Variants in DOP1B observed in about 807,000 individuals in gnomAD.
The protein encoded by DOP1B is DOP1 leucine zipper like protein B, also known as protein DOP1B.
Under a neutral mutation model 233.5 loss-of-function variants are expected in DOP1B, and 174 were observed. That is an observed-to-expected ratio of 0.75 (90% CI 0.66 to 0.85). The LOEUF is 0.85. Among genes scored for constraint, DOP1B ranks in the 40% least tolerant of loss-of-function variants. The probability of loss-of-function intolerance (pLI) is 0.00; values close to 1 mark genes in which losing one functional copy is unlikely to be tolerated. For missense variants in DOP1B, 2,652 were observed against 2,846.6 expected, an observed-to-expected ratio of 0.93 and a Z score of 1.56; for synonymous variants, 1,190 against 1,185.6, an observed-to-expected ratio of 1.00 and a Z score of -0.08.
chr21:36,257,891 G>A (rs2067124423), intron 23 of DOP1B, among the ~76,000 whole-genome samples: 1 of 150,436 alleles, frequency 6.6e-6, no homozygotes, highest in South Asian at 2.1e-4. Context: ...AGTTAGGTAG[G>A]TAGGTAGATG....
intron 13 of DOP1B, among the ~76,000 whole-genome samples, chr21:36,228,653 C>T (rs1354068616): frequency 1.3e-5 from 2 of 151,384 alleles, no homozygotes; most frequent in East Asian, 3.9e-4. Context: ...GTAGTCCCAG[C>T]TACTCAGGAG....
chr21:36,217,803 C>A (rs1214827273), intron 9 of DOP1B, among the ~76,000 whole-genome samples: 4 of 152,216 alleles, frequency 2.6e-5, no homozygotes, highest in Non-Finnish European at 1.5e-5. Flanking sequence ...AAAAGTGGAA[C>A]ACTTATATAA....
At chr21:36,278,678 G>C (rs1264593572) in intron 30 of DOP1B, among the ~76,000 whole-genome samples, 1 of 152,090 alleles carries the variant, frequency 6.6e-6, no homozygotes, top group African/African-American at 2.4e-5. Flanking sequence ...GACCAGCCTG[G>C]CCAACATGGC....
intron 24 of DOP1B, among the ~76,000 whole-genome samples, chr21:36,262,615 C>T (rs139494485): frequency 7.6e-4 from 115 of 152,220 alleles, no homozygotes; most frequent in African/African-American, 2.5e-3. Context: ...CAGCCGGGCA[C>T]GGTGGCTCAC....
rs369495001 is a variant in DOP1B at position 36,194,487 on chromosome 21, C to CT, written c.139-4566dup. ...TTTTGCTGCATTTCTCTCTCTCTCTCTTTTTTTTTTTTTTTTTGAGACAGA... is the reference window on the plus strand; with the variant it reads ...TTTTGCTGCATTTCTCTCTCTCTCTCTTTTTTTTTTTTTTTTTTGAGACAGA... On this transcript the variant is annotated intron_variant, in intron 2 of 36. Transcript: ENST00000691173. 2.7e-3 allele frequency among the ~76,000 whole-genome samples: 222 copies of CT among 81,298 alleles called. 1 individual carries two copies. The highest frequency in any genetic ancestry group is 7.4e-3 in the Admixed American group (59 of 8,018). The allele number at this position is 81,298 out of a possible 152,430, so 53.3% of individuals were successfully genotyped here. A position where few individuals can be genotyped will look rare whatever the true frequency, so the allele number is the denominator to read the frequency against.
rs780739409 is a variant in DOP1B, at chr21:36,263,531, C to G, written c.5316-15C>G. 6.2e-7 allele frequency: 1 copy of G among 1,606,680 alleles called. No individual in the cohort carries two copies. The highest frequency in any genetic ancestry group is 1.1e-5 in the South Asian group (1 of 90,284). On this transcript the variant is annotated splice_polypyrimidine_tract_variant and intron_variant, in intron 24 of 36. Transcript: ENST00000691173. The stretch of plus-strand genomic sequence containing the variant: ...GTTCGTGGTTGAGTATTTTTCCTAT[C>G]TTTTAAAAAAACAGGCTCCCAGTAC...
chr21:36,237,242 C>T lies in DOP1B; in HGVS notation c.2623-20C>T, dbSNP rs902167906. ...CTGTGTTGACCTGGTCCCCCACCGC[C>T]TGCCTTTTCCTTGTCCCAGAGGGTG... On this transcript the variant is annotated intron_variant, in intron 15 of 36. Transcript: ENST00000691173. 9 of 1,614,048 alleles carry T rather than the reference C, an allele frequency of 5.6e-6. No individual in the cohort carries two copies. In the Admixed American group the frequency reaches 1.5e-4, roughly 27 times the overall value.
At chr21:36,271,428 C>T (rs2067288586) in intron 27 of DOP1B, among the ~76,000 whole-genome samples, 1 of 151,982 alleles carries the variant, frequency 6.6e-6, no homozygotes, top group Admixed American at 6.6e-5. Context: ...CATCTACCAC[C>T]ATGCCTAGCT....
In DOP1B at chr21:36,214,453, G is replaced by C. The variant is rs367977089; in HGVS notation, c.1026G>C (p.Glu342Asp). The C allele has an allele frequency of 1.9e-6, 3 of 1,612,498 alleles. No homozygotes were observed. Among genetic ancestry groups the C allele is most frequent in the South Asian group, 2.2e-5 (2 of 90,770 alleles). The part of the protein sequence containing the change: ...SKDLLVEGLA[E>D]ILHQKFIDAD... ...TTTTTAAATAATAGGGTTTGGCTGA[G>C]ATATTGCATCAGAAGTTCATAGATG... The change falls in exon 9 of 37, where the codon GAG (glutamate) becomes GAC (aspartate). Residue 342 changes from glutamate to aspartate, a missense_variant. Physicochemically the swap from Glu to Asp is conservative, Grantham distance 45. This residue lies in a region of DOP1B where 2,617 missense variants were observed against 2,794.3 expected (regional missense o/e 0.94). Coordinates refer to ENST00000691173, the MANE Select transcript of DOP1B (RefSeq NM_001320714.2).
At chr21:36,167,675 A>G (rs1012342614) in intron 2 of DOP1B, among the ~76,000 whole-genome samples, 3 of 152,078 alleles carry the variant, frequency 2.0e-5, no homozygotes, top group Non-Finnish European at 2.9e-5. Context: ...TCCAAAAGGA[A>G]ACCCGTACCC....
At chr21:36,192,368 A>C (rs897043221) in intron 2 of DOP1B, among the ~76,000 whole-genome samples, 1 of 150,684 alleles carries the variant, frequency 6.6e-6, no homozygotes. Flanking sequence ...AAAAAAAAAA[A>C]CTACCAAAAA....
chr21:36,168,196 G>C (rs9981532), intron 2 of DOP1B, among the ~76,000 whole-genome samples: 63,004 of 151,590 alleles, frequency 0.42, 14,329 homozygotes, highest in Non-Finnish European at 0.51. Context: ...TGCCTGCCTT[G>C]GCCTCCCAAA....
At position 36,288,017 on chromosome 21, in the gene DOP1B, G is replaced by T. The variant is rs760916018; in HGVS notation, c.6164G>T (p.Arg2055Leu). 3.0e-5 allele frequency: 48 copies of T among 1,612,216 alleles called. No homozygotes were observed. Among genetic ancestry groups the T allele is most frequent in the Admixed American group, 8.4e-5 (5 of 59,494 alleles). ...YHLYLPLIQE[R>L]LTDNLRVGQT... is the part of the protein sequence containing the mutation. Reference sequence around the variant, plus strand: ...CTTTACAATCTTCTTTCCTTAGAACGCCTGACAGACAATCTCAGAGTTGGA... The same window carrying T: ...CTTTACAATCTTCTTTCCTTAGAACTCCTGACAGACAATCTCAGAGTTGGA... Residue 2055 changes from arginine (R) to leucine (L), a missense_variant, in exon 33 of 37, where the codon CGC (arginine) becomes CTC (leucine). This residue lies in a region of DOP1B where 2,617 missense variants were observed against 2,794.3 expected (regional missense o/e 0.94). Transcript: ENST00000691173.
In DOP1B at chr21:36,201,345, C is replaced by CTTTTTTTTTTTTTTTTTTTTTTTTTTTT. The variant is rs1172730528; in HGVS notation, c.491+864_491+865insTTTTTTTTTTTTTTTTTTTTTTTTTTTT. 2.0e-4 allele frequency among the ~76,000 whole-genome samples: 17 copies of CTTTTTTTTTTTTTTTTTTTTTTTTTTTT among 83,260 alleles called. 1 individual carries two copies. Among genetic ancestry groups the CTTTTTTTTTTTTTTTTTTTTTTTTTTTT allele is most frequent in the Non-Finnish European group, 3.1e-4 (14 of 45,762 alleles). 54.6% of individuals were successfully genotyped at this position (83,260 alleles called of 152,430 possible). The stretch of plus-strand genomic sequence containing the variant: ...TCTATTCCACTGTATCTATTGGATT[C>CTTTTTTTTTTTTTTTTTTTTTTTTTTTT]TTTTTTTTTTTTTTTTTTTTGAGAC... On this transcript the variant is annotated intron_variant, in intron 4 of 36. Coordinates refer to ENST00000691173, the MANE Select transcript of DOP1B (RefSeq NM_001320714.2).
intron 14 of DOP1B, among the ~76,000 whole-genome samples, 163 bp downstream of exon 14, chr21:36,231,297 A>AT (rs1369189813): frequency 1.2e-4 from 19 of 152,240 alleles, no homozygotes; most frequent in Non-Finnish European, 2.9e-5. Flanking sequence ...CCGATTCAGC[A>AT]TTCCTAATCC....
intron 2 of DOP1B, among the ~76,000 whole-genome samples, chr21:36,189,979 C>T (rs1424121914): frequency 1.4e-5 from 2 of 139,468 alleles, no homozygotes; most frequent in Non-Finnish European, 1.5e-5. Flanking sequence ...TACTGCACTC[C>T]AACCTGGGTG....
At chr21:36,167,940 C>CTTTTTTTTTTTTT (rs869190433) in intron 2 of DOP1B, among the ~76,000 whole-genome samples, 44 of 39,994 alleles carry the variant, frequency 1.1e-3, no homozygotes, top group African/African-American at 2.7e-3. Context: ...TTTTCTTTTT[C>CTTTTTTTTTTTTT]TTTTTTTTTT....
chr21:36,234,888 A>G (rs1294330769), intron 15 of DOP1B, among the ~76,000 whole-genome samples: 2 of 152,138 alleles, frequency 1.3e-5, no homozygotes, highest in African/African-American at 4.8e-5. Context: ...ATATGGGTAC[A>G]ATTTGATATT....
At chr21:36,169,698 G>C in intron 2 of DOP1B, 1 of 911,796 alleles carries the variant, frequency 1.1e-6, no homozygotes, top group South Asian at 1.3e-5. Context: ...TGGGCAGCGA[G>C]GCGGGTGACT....
Sources: allele counts gnomAD v4.1 joint callset (sites outside exome capture counted in the v4.1 genomes callset), GRCh38; gene constraint gnomAD v4.1.1; regional missense constraint gnomAD v4.1.1; transcripts MANE v1.5; gene names NCBI Gene and HGNC (gene_info 2026-07-23, HGNC 2026-07-21).